The following WDTC1 variants were observed in gnomAD, a reference collection of about 807,000 sequenced individuals.
The protein encoded by WDTC1 is WD and tetratricopeptide repeats 1.
WDTC1 carries 12 observed loss-of-function variants against 76.0 expected under a neutral mutation model. That is an observed-to-expected ratio of 0.16 (90% CI 0.10 to 0.26). The LOEUF (loss-of-function observed/expected upper bound fraction) is 0.26. WDTC1 is among the 10% of genes least tolerant of loss of function. WDTC1 has a pLI of 1.00. For synonymous variants in WDTC1, 326 were observed against 350.8 expected (o/e 0.93, Z 0.79); for missense variants, 511 against 908.8 (o/e 0.56, Z 5.63).
chr1:27,282,348 A>G, intron 4 of WDTC1, 63 bp downstream of exon 4: 1 of 1,536,686 alleles, frequency 6.5e-7, no homozygotes, highest in South Asian at 1.1e-5. Context: ...TGGAACAGCA[A>G]GGCTCCTCCT....
In WDTC1 at chr1:27,306,815, G is replaced by A. The variant is rs376939325; in HGVS notation, c.*432G>A. 52 of 192,504 alleles carry A rather than the reference G, an allele frequency of 2.7e-4. No homozygotes were observed. The South Asian group carries it at 4.9e-3, about 18-fold the overall frequency. 11.9% of individuals were successfully genotyped at this position (192,504 alleles called of 1,614,324 possible). A position where few individuals can be genotyped will look rare whatever the true frequency, so the allele number is the denominator to read the frequency against. On this transcript the variant is annotated 3_prime_UTR_variant, in exon 16 of 16. Coordinates refer to ENST00000319394, the MANE Select transcript of WDTC1 (RefSeq NM_001276252.2). This position sits in a 1 kb window ranked among gnomAD's most constrained non-coding sequence, Gnocchi z 5.0. ...CTCGCCTTGGCCTGTTGCCACTCTT[G>A]CTCCCTAGCCTGCAAGGCTAGCTCC...
intron 1 of WDTC1, among the ~76,000 whole-genome samples, chr1:27,243,821 A>G (rs2011713412): frequency 6.6e-6 from 1 of 151,952 alleles, no homozygotes; most frequent in Non-Finnish European, 1.5e-5. Context: ...TTAGGAAACT[A>G]AGGTTTAGAA....
chr1:27,254,055 G>A (rs762724625), intron 1 of WDTC1, among the ~76,000 whole-genome samples: 6 of 152,012 alleles, frequency 3.9e-5, no homozygotes, highest in African/African-American at 7.2e-5. Context: ...TTTCCTTCCC[G>A]ATGTGAACCT....
chr1:27,259,805 G>T (rs2012415330), intron 1 of WDTC1, among the ~76,000 whole-genome samples: 1 of 151,174 alleles, frequency 6.6e-6, no homozygotes, highest in East Asian at 1.9e-4. Context: ...CAGATCTCTT[G>T]AGCCCAGGAT....
At chr1:27,263,365 C>T (rs535595183) in intron 3 of WDTC1, 130 bp downstream of exon 3, 1 of 653,962 alleles carries the variant, frequency 1.5e-6, no homozygotes, top group Non-Finnish European at 2.5e-6. Flanking sequence ...GTTACTTCTC[C>T]TTCAGTAGAC....
At chr1:27,283,277 G>A (rs2013241596) in intron 4 of WDTC1, 61 bp from the exon 5 acceptor site, 7 of 1,458,044 alleles carry the variant, frequency 4.8e-6, no homozygotes, top group Non-Finnish European at 5.7e-6. Context: ...TGAGAACATG[G>A]GATGGGGAAA....
In WDTC1 at chr1:27,274,764, T is replaced by G. The variant is rs2012973071; in HGVS notation, c.133-7475T>G. ...CTGCAGTCCTCACTTTTTTGGGGAG[T>G]TGCTTGCTTTCATTTTGTATGTATT... is the stretch of plus-strand genomic sequence containing the variant. On this transcript the variant is annotated intron_variant, in intron 3 of 15. Coordinates refer to ENST00000319394, the MANE Select transcript of WDTC1 (RefSeq NM_001276252.2). The surrounding 1 kb of genome is among the most constrained non-coding windows in gnomAD (Gnocchi z 4.2). 1.3e-5 allele frequency among the ~76,000 whole-genome samples: 2 copies of G among 152,024 alleles called. No individual in the cohort carries two copies. The highest frequency in any genetic ancestry group is 4.8e-5 in the African/African-American group (2 of 41,398).
At chr1:27,263,023 T>C in intron 2 of WDTC1, 129 bp from the exon 3 acceptor site, 1 of 843,008 alleles carries the variant, frequency 1.2e-6, no homozygotes, top group Non-Finnish European at 1.9e-6. Context: ...TACAAAGTCC[T>C]GTAGGCCAGT....
chr1:27,240,031 G>T (rs2011583820), intron 1 of WDTC1, among the ~76,000 whole-genome samples: 1 of 151,746 alleles, frequency 6.6e-6, no homozygotes, highest in African/African-American at 2.4e-5. Flanking sequence ...TGAGATTATA[G>T]GTGCGCGCCA....
At chr1:27,261,339 C>T (rs1441473685) in intron 2 of WDTC1, among the ~76,000 whole-genome samples, 2 of 152,178 alleles carry the variant, frequency 1.3e-5, no homozygotes, top group Non-Finnish European at 2.9e-5. Flanking sequence ...GAGATTAATG[C>T]AGGCTGGCAA....
At position 27,234,642 on chromosome 1, in the gene WDTC1, T is replaced by G. The variant is rs1176818629; in HGVS notation, c.-409T>G. ...CGCAGGCGCGTTGCTGGGCTTCTCC[T>G]GGGTCCCCAGACAGCTGGAGGAGAT... On this transcript the variant is annotated 5_prime_UTR_variant, in exon 1 of 16. Transcript: ENST00000319394. 1 of 394,102 alleles carries G rather than the reference T, an allele frequency of 2.5e-6. No individual in the cohort carries two copies. The highest frequency in any genetic ancestry group is 4.5e-6 in the Non-Finnish European group (1 of 223,584). The allele number at this position is 394,102 out of a possible 1,614,324, so 24.4% of individuals were successfully genotyped here.
intron 1 of WDTC1, among the ~76,000 whole-genome samples, chr1:27,254,416 G>A (rs763735674): frequency 2.6e-5 from 4 of 152,018 alleles, no homozygotes; most frequent in Non-Finnish European, 5.9e-5. Flanking sequence ...GACCAATATG[G>A]CGAAACCCTG....
At chr1:27,242,939 G>A (rs1174891740) in intron 1 of WDTC1, among the ~76,000 whole-genome samples, 1 of 152,176 alleles carries the variant, frequency 6.6e-6, no homozygotes, top group East Asian at 1.9e-4. Flanking sequence ...TTTAAGCCAG[G>A]AGCCTCAAAG....
At chr1:27,240,202 A>G (rs951175094) in intron 1 of WDTC1, among the ~76,000 whole-genome samples, 5 of 152,024 alleles carry the variant, frequency 3.3e-5, no homozygotes, top group African/African-American at 1.2e-4. Flanking sequence ...TACTTTTTCT[A>G]TAATGTCTCT....
chr1:27,284,261 T>G (rs1283228451), intron 5 of WDTC1, among the ~76,000 whole-genome samples: 1 of 152,146 alleles, frequency 6.6e-6, no homozygotes, highest in East Asian at 1.9e-4. Flanking sequence ...CCTGCACTTG[T>G]CCACTCGCCA....
chr1:27,296,201 G>C, intron 9 of WDTC1, 125 bp from the exon 10 acceptor site: 1 of 1,147,534 alleles, frequency 8.7e-7, no homozygotes, highest in Non-Finnish European at 1.3e-6. Context: ...TAGCTTGATT[G>C]TTCTATGCTC....
intron 3 of WDTC1, among the ~76,000 whole-genome samples, chr1:27,272,118 C>A (rs539323927): frequency 2.0e-5 from 3 of 151,580 alleles, no homozygotes; most frequent in Non-Finnish European, 2.9e-5. Context: ...AGGTGGTGCA[C>A]GCCTGTAATC....
chr1:27,263,331 T>C, intron 3 of WDTC1, 96 bp downstream of exon 3: 2 of 1,233,826 alleles, frequency 1.6e-6, no homozygotes, highest in Admixed American at 4.5e-5. Flanking sequence ...TAAACAAGTG[T>C]TTCTCTGCAG....
Position 27,241,953 on chromosome 1 carries a change from G to A in WDTC1, c.-100+7002G>A, listed in dbSNP as rs189952848. On this transcript the variant is annotated intron_variant, in intron 1 of 15. Transcript: ENST00000319394. The stretch of plus-strand genomic sequence containing the variant: ...GTCACCCAAGATGGAGTGCAGTGGT[G>A]CAATCTTGGCTCACTGCAGCCTCAG... 5.3e-3 allele frequency among the ~76,000 whole-genome samples: 797 copies of A among 150,962 alleles called. 4 individuals are homozygous for A. The highest frequency in any genetic ancestry group is 9.6e-3 in the Non-Finnish European group (651 of 67,826).
Sources: allele counts gnomAD v4.1 joint callset (sites outside exome capture counted in the v4.1 genomes callset), GRCh38; gene constraint gnomAD v4.1.1; non-coding constraint Gnocchi (gnomAD v3.1); transcripts MANE v1.5; gene names NCBI Gene and HGNC (gene_info 2026-07-23, HGNC 2026-07-21).